Variants in KIAA1217 observed in about 807,000 individuals in gnomAD.
KIAA1217 encodes the protein KIAA1217.
A neutral mutation model predicts 163.9 loss-of-function variants in KIAA1217; 88 were observed. The observed-to-expected ratio is 0.54, with a 90% confidence interval of 0.45 to 0.64. KIAA1217 has a LOEUF of 0.64. Among genes scored for constraint, KIAA1217 ranks in the 30% least tolerant of loss-of-function variants. The pLI, the probability that KIAA1217 is intolerant of heterozygous loss-of-function variation, is 0.00. For synonymous variants in KIAA1217, 903 were observed against 923.1 expected, an observed-to-expected ratio of 0.98 and a Z score of 0.39; for missense variants, 2,372 against 2,475.0, an observed-to-expected ratio of 0.96 and a Z score of 0.88.
At chr10:24,073,894 GT>G (rs2061276390) in intron 2 of KIAA1217, among the ~76,000 whole-genome samples, 1 of 152,162 alleles carries the variant, frequency 6.6e-6, no homozygotes, top group South Asian at 2.1e-4. Context: ...TTAAAACAGG[GT>G]TTCTGTAGTA....
At chr10:24,184,158 G>A (rs1230632610) in intron 2 of KIAA1217, among the ~76,000 whole-genome samples, 1 of 152,206 alleles carries the variant, frequency 6.6e-6, no homozygotes, top group Admixed American at 6.5e-5. Context: ...GATATGTGCT[G>A]TTTTTAAAGC....
At chr10:23,839,636 C>T (rs535910958) in intron 1 of KIAA1217, among the ~76,000 whole-genome samples, 1 of 152,268 alleles carries the variant, frequency 6.6e-6, no homozygotes, top group East Asian at 1.9e-4. Context: ...CCTGTCATCT[C>T]TCTGTGTGAA....
At chr10:23,826,900 A>G (rs527663986) in intron 1 of KIAA1217, among the ~76,000 whole-genome samples, 3 of 152,214 alleles carry the variant, frequency 2.0e-5, no homozygotes, top group African/African-American at 7.2e-5. Context: ...AGTCCCCTAT[A>G]GTGATATCTT....
chr10:23,763,459 C>T (rs966653334), intron 1 of KIAA1217, among the ~76,000 whole-genome samples: 1 of 152,128 alleles, frequency 6.6e-6, no homozygotes, highest in Non-Finnish European at 1.5e-5. Flanking sequence ...AATAACACCA[C>T]ACATTTACAA....
intron 1 of KIAA1217, among the ~76,000 whole-genome samples, chr10:23,736,380 T>C (rs1004885555): frequency 2.0e-5 from 3 of 152,228 alleles, no homozygotes; most frequent in African/African-American, 4.8e-5. Context: ...TCCCTTTTCA[T>C]GTGATCTCCA....
intron 1 of KIAA1217, among the ~76,000 whole-genome samples, chr10:23,789,837 C>T (rs1329268943): frequency 4.0e-5 from 6 of 150,550 alleles, no homozygotes; most frequent in Admixed American, 2.7e-4. Flanking sequence ...GTAGTAAATG[C>T]CATGTAGAAA....
chr10:23,846,318 C>A (rs560382574), intron 1 of KIAA1217, among the ~76,000 whole-genome samples: 1 of 151,956 alleles, frequency 6.6e-6, no homozygotes, highest in East Asian at 1.9e-4. Flanking sequence ...TAAATTACTT[C>A]GAGCACTATG....
chr10:23,840,281 G>A (rs1588923203), intron 1 of KIAA1217, among the ~76,000 whole-genome samples: 2 of 151,836 alleles, frequency 1.3e-5, no homozygotes, highest in South Asian at 2.1e-4. Context: ...TCAGCCTCCC[G>A]AGTAGTTGGG....
intron 1 of KIAA1217, among the ~76,000 whole-genome samples, chr10:23,990,277 A>G (rs534623289): frequency 6.6e-6 from 1 of 152,352 alleles, no homozygotes; most frequent in East Asian, 1.9e-4. Flanking sequence ...CAAGGGCTAG[A>G]AAAAGCTGCA....
At chr10:24,407,301 C>A (rs915389594) in intron 3 of KIAA1217, among the ~76,000 whole-genome samples, 2 of 151,432 alleles carry the variant, frequency 1.3e-5, no homozygotes, top group African/African-American at 4.9e-5. Flanking sequence ...CGTGTGCGTG[C>A]GCGTGCGCAT....
intron 6 of KIAA1217, among the ~76,000 whole-genome samples, chr10:24,487,280 T>C (rs1452661511): frequency 6.6e-6 from 1 of 152,196 alleles, no homozygotes; most frequent in Non-Finnish European, 1.5e-5. Context: ...CCCACAGAAT[T>C]CTGGCTGGGC....
Position 24,545,880 on chromosome 10 carries a change from C to T in KIAA1217, c.5388C>T (p.Ser1796=), listed in dbSNP as rs954731999. The T allele has an allele frequency of 8.1e-6, 13 of 1,613,502 alleles. No homozygotes were observed. The highest frequency in any genetic ancestry group is 1.1e-5 in the Non-Finnish European group (13 of 1,179,766). ...GGGACTTTAAGCCTACTTCCCCCTC[C>T]TTACCTGCTTCTAAGATTCCAGCCC... ...SGGDFKPTSP[S]LPASKIPALS... is the part of the protein sequence containing the mutation. Residue 1796 remains serine, a synonymous_variant, in exon 21 of 21, where the codon TCC becomes TCT. Transcript: ENST00000376454.
At chr10:24,247,585 T>C (rs1339163184) in intron 2 of KIAA1217, among the ~76,000 whole-genome samples, 1 of 152,186 alleles carries the variant, frequency 6.6e-6, no homozygotes, top group Non-Finnish European at 1.5e-5. Flanking sequence ...ATCATGAGGT[T>C]AGGAGATCGA....
At chr10:24,426,728 T>C (rs1389801606) in intron 3 of KIAA1217, among the ~76,000 whole-genome samples, 1 of 151,976 alleles carries the variant, frequency 6.6e-6, no homozygotes, top group African/African-American at 2.4e-5. Flanking sequence ...GGAGTAGTAA[T>C]GGGGGAAGAT....
intron 2 of KIAA1217, among the ~76,000 whole-genome samples, chr10:24,070,161 T>G (rs984569904): frequency 5.9e-5 from 9 of 152,040 alleles, no homozygotes; most frequent in African/African-American, 1.9e-4. Context: ...AAAGAGGGGT[T>G]AAAGGAAATA....
At chr10:24,494,400 T>C (rs1434516438) in intron 6 of KIAA1217, 100 bp from the exon 7 acceptor site, 2 of 948,778 alleles carry the variant, frequency 2.1e-6, no homozygotes, top group African/African-American at 3.3e-5. Flanking sequence ...TCCACGGCCT[T>C]CTAGGTGGTA....
chr10:24,378,377 C>T (rs781646264), intron 2 of KIAA1217, among the ~76,000 whole-genome samples: 2 of 152,036 alleles, frequency 1.3e-5, no homozygotes, highest in Non-Finnish European at 2.9e-5. Flanking sequence ...ACTTTATTGC[C>T]CAGTTCAGAG....
chr10:23,981,961 C>T (rs561789484), intron 1 of KIAA1217, among the ~76,000 whole-genome samples: 22 of 151,952 alleles, frequency 1.4e-4, no homozygotes, highest in African/African-American at 5.1e-4. Context: ...AATGATGGTA[C>T]GTTAAACACT....
chr10:23,706,584 A>G (rs927556037), intron 1 of KIAA1217, among the ~76,000 whole-genome samples: 2 of 152,134 alleles, frequency 1.3e-5, no homozygotes, highest in Non-Finnish European at 2.9e-5. Context: ...AATTTTTGAT[A>G]CTAAACCAAC....
Sources: allele counts gnomAD v4.1 joint callset (sites outside exome capture counted in the v4.1 genomes callset), GRCh38; gene constraint gnomAD v4.1.1; transcripts MANE v1.5; gene names NCBI Gene and HGNC (gene_info 2026-07-23, HGNC 2026-07-21).